MKRN1: variants seen among roughly 807,000 people sequenced by gnomAD.
MKRN1 encodes the protein E3 ubiquitin-protein ligase makorin-1.
MKRN1 carries 9 observed loss-of-function variants against 55.5 expected under a neutral mutation model. The ratio of observed to expected loss-of-function variants is 0.16; its 90% CI spans 0.10 to 0.28. The LOEUF (loss-of-function observed/expected upper bound fraction) is 0.28. MKRN1 is among the 10% of genes least tolerant of loss of function. MKRN1 has a pLI of 1.00. For missense variants in MKRN1, 488 were observed against 626.7 expected (o/e 0.78, Z 2.36); for synonymous variants, 253 against 235.9 (o/e 1.07, Z -0.66).
intron 1 of MKRN1, 180 bp downstream of exon 1, chr7:140,478,980 G>T: frequency 4.2e-6 from 3 of 718,342 alleles, no homozygotes; most frequent in Non-Finnish European, 5.7e-6. Context: ...GGGGGTTGAC[G>T]CAGTGACTGG....
At chr7:140,477,793 GA>G (rs374789407) in intron 1 of MKRN1, among the ~76,000 whole-genome samples, 1 of 152,324 alleles carries the variant, frequency 6.6e-6, no homozygotes, top group Non-Finnish European at 1.5e-5. Flanking sequence ...TCTTTTAAAA[GA>G]TGTAACTAGC....
chr7:140,471,948 G>A lies in MKRN1; in HGVS notation c.249C>T (p.Asp83=). Residue 83 remains aspartate, a synonymous_variant, in exon 2 of 8, where the codon GAC becomes GAT. Coordinates refer to ENST00000255977, the MANE Select transcript of MKRN1 (RefSeq NM_013446.4). ...DNCRYSHDLS[D]SPYSVVCKYF... is the part of the protein sequence containing the mutation. The stretch of plus-strand genomic sequence containing the variant: ...ACTTGCACACTACACTATACGGACT[G>A]TCAGAGAGGTCATGCGAGTAGCGAC... 3 of 1,614,116 alleles carry A rather than the reference G, an allele frequency of 1.9e-6. No homozygotes were observed. The highest frequency in any genetic ancestry group is 2.5e-6 in the Non-Finnish European group (3 of 1,180,018).
chr7:140,472,272 TA>T (rs201369563), intron 1 of MKRN1: 4,202 of 387,522 alleles, frequency 0.011, 49 homozygotes, highest in Middle Eastern at 0.027. Context: ...CCGTCTCTAC[TA>T]AAAATACAAA....
At chr7:140,466,901 G>A (rs954448869) in intron 2 of MKRN1, among the ~76,000 whole-genome samples, 3 of 151,518 alleles carry the variant, frequency 2.0e-5, no homozygotes, top group Non-Finnish European at 4.4e-5. Context: ...ACTCTAACCT[G>A]GGCAAGAGGG....
intron 2 of MKRN1, among the ~76,000 whole-genome samples, chr7:140,468,311 C>A (rs765005610): frequency 6.6e-6 from 1 of 152,140 alleles, no homozygotes; most frequent in Non-Finnish European, 1.5e-5. Context: ...GCCTCAATAC[C>A]TGCAGAGACT....
intron 2 of MKRN1, among the ~76,000 whole-genome samples, chr7:140,462,147 C>G (rs545712021): frequency 2.7e-4 from 41 of 152,144 alleles, no homozygotes; most frequent in Non-Finnish European, 4.9e-4. Context: ...TCTGCCTTAG[C>G]CTCCTGAGTA....
chr7:140,463,700 A>G (rs1387472446), intron 2 of MKRN1, among the ~76,000 whole-genome samples: 2 of 152,124 alleles, frequency 1.3e-5, no homozygotes, highest in East Asian at 3.9e-4. Flanking sequence ...CCTGGCTAAC[A>G]CGGTGAAACC....
At chr7:140,473,992 CAAAAAAAAAA>C (rs750043239) in intron 1 of MKRN1, among the ~76,000 whole-genome samples, 20 of 15,210 alleles carry the variant, frequency 1.3e-3, no homozygotes, top group African/African-American at 4.9e-3. Flanking sequence ...AACTCCGTCT[CAAAAAAAAAA>C]AAAAAAGAAA....
At chr7:140,477,802 A>G (rs761942491) in intron 1 of MKRN1, among the ~76,000 whole-genome samples, 9 of 152,256 alleles carry the variant, frequency 5.9e-5, no homozygotes, top group Non-Finnish European at 1.2e-4. Context: ...AGATGTAACT[A>G]GCACATATAG....
At chr7:140,473,039 C>T (rs1422807180) in intron 1 of MKRN1, among the ~76,000 whole-genome samples, 10 of 150,710 alleles carry the variant, frequency 6.6e-5, no homozygotes, top group South Asian at 6.3e-4. Flanking sequence ...TGCAGTGAGC[C>T]GAGATCGTGC....
intron 2 of MKRN1, among the ~76,000 whole-genome samples, chr7:140,467,122 C>A (rs1010773188): frequency 6.6e-6 from 1 of 152,034 alleles, no homozygotes; most frequent in African/African-American, 2.4e-5. Flanking sequence ...GGATTACAGG[C>A]ATGCGCCACC....
In MKRN1 at chr7:140,460,511, G is replaced by A. The variant is rs140282837; in HGVS notation, c.315-575C>T. ...CTTTAGTGGAGATGCCGTTTGGCCAGGCTGATCTCGAACTCCTGACCTCAG... is the reference window on the plus strand; with the variant it reads ...CTTTAGTGGAGATGCCGTTTGGCCAAGCTGATCTCGAACTCCTGACCTCAG... On this transcript the variant is annotated intron_variant, in intron 2 of 7. Transcript: ENST00000255977. Among the ~76,000 whole-genome samples, 206 of 151,832 alleles carry A rather than the reference G, an allele frequency of 1.4e-3. 1 individual carries two copies. Among genetic ancestry groups the A allele is most frequent in the African/African-American group, 4.8e-3 (200 of 41,436 alleles).
chr7:140,468,452 G>A (rs1055847328), intron 2 of MKRN1, among the ~76,000 whole-genome samples: 7 of 148,764 alleles, frequency 4.7e-5, no homozygotes, highest in African/African-American at 1.5e-4. Flanking sequence ...TGTAATCCCA[G>A]CACTTTGGGA....
At position 140,455,268 on chromosome 7, in the gene MKRN1, T is replaced by G. The variant is rs369132756; in HGVS notation, c.1098-35A>C. ...AAAATATCGCAACCCTTATTCACAGTGGATTTCAGGTCTGTATTTGACTAT... is the reference window on the plus strand; with the variant it reads ...AAAATATCGCAACCCTTATTCACAGGGGATTTCAGGTCTGTATTTGACTAT... On this transcript the variant is annotated intron_variant, in intron 6 of 7. Transcript: ENST00000255977. 2.5e-6 allele frequency: 4 copies of G among 1,612,884 alleles called. No individual in the cohort carries two copies. In the East Asian group the frequency reaches 8.9e-5, roughly 36 times the overall value.
intron 1 of MKRN1, chr7:140,478,218 G>A (rs1795181040): frequency 6.6e-6 from 1 of 152,148 alleles, no homozygotes; most frequent in South Asian, 2.1e-4. Context: ...GCTTACAGTC[G>A]CTACTGATCA....
At chr7:140,473,316 T>C (rs1353773918) in intron 1 of MKRN1, 1 of 439,174 alleles carries the variant, frequency 2.3e-6, no homozygotes, top group Non-Finnish European at 4.5e-6. Context: ...CTGTGCAGAC[T>C]CTGTCTCCAT....
chr7:140,470,192 G>A (rs1794885064), intron 2 of MKRN1, among the ~76,000 whole-genome samples: 1 of 151,248 alleles, frequency 6.6e-6, no homozygotes, highest in Non-Finnish European at 1.5e-5. Context: ...TTGCACTCCA[G>A]CCTGGGTGAC....
chr7:140,454,410 TG>T lies in MKRN1; in HGVS notation c.*106del. 9.3e-7 allele frequency: 1 copy of T among 1,073,522 alleles called. No individual in the cohort carries two copies. The highest frequency in any genetic ancestry group is 1.4e-6 in the Non-Finnish European group (1 of 720,336). The allele number at this position is 1,073,522 out of a possible 1,614,324, so 66.5% of individuals were successfully genotyped here. A position where few individuals can be genotyped will look rare whatever the true frequency, so the allele number is the denominator to read the frequency against. On this transcript the variant is annotated 3_prime_UTR_variant, in exon 8 of 8. Transcript: ENST00000255977. ...GGGTAAAAATTCTTAGGACAGCACC[TG>T]GAGTTGAGAGGCCTGCCTAGGAGAG...
chr7:140,472,090 A>G, intron 1 of MKRN1, 79 bp from the exon 2 acceptor site: 1 of 1,545,682 alleles, frequency 6.5e-7, no homozygotes, highest in Non-Finnish European at 8.9e-7. Flanking sequence ...CATGACTAAT[A>G]TATTCAACCA....
Sources: gnomAD v4.1 joint callset for allele counts (sites outside exome capture counted in the v4.1 genomes callset) on GRCh38, gnomAD v4.1.1 for gene constraint, MANE v1.5 for transcripts, NCBI Gene and HGNC (gene_info 2026-07-23, HGNC 2026-07-21) for gene names.